Variants in LEFTY1 observed in about 807,000 individuals in gnomAD.
The protein encoded by LEFTY1 is left-right determination factor B.
LEFTY1 carries 18 observed loss-of-function variants against 22.6 expected under a neutral mutation model. The ratio of observed to expected loss-of-function variants is 0.80; its 90% CI spans 0.55 to 1.18. The LOEUF (loss-of-function observed/expected upper bound fraction) is 1.18. Among genes scored for constraint, LEFTY1 ranks in the 50% most tolerant of loss-of-function variants. LEFTY1 has a pLI of 0.00. For synonymous variants in LEFTY1, 201 were observed against 231.5 expected, an observed-to-expected ratio of 0.87 and a Z score of 1.20; for missense variants, 414 against 495.4, an observed-to-expected ratio of 0.84 and a Z score of 1.56.
chr1:225,886,995 G>A lies in LEFTY1; in HGVS notation c.833C>T (p.Ala278Val), dbSNP rs1290516033. 2 of 1,609,558 alleles carry A rather than the reference G, an allele frequency of 1.2e-6. No homozygotes were observed. The highest frequency in any genetic ancestry group is 8.5e-7 in the Non-Finnish European group (1 of 1,176,922). ...MYIDLQGMKW[A>V]ENWVLEPPGF... The stretch of plus-strand genomic sequence containing the variant: ...CGGGGGCTCCAGCACCCAGTTCTCG[G>A]CCCACTTCATCCCCTGCAGGTCAAT... The change falls in exon 4 of 4, where the codon GCC becomes GTC. Residue 278 changes from alanine (A) to valine (V), a missense_variant. Ala to Val is a moderately conservative substitution (Grantham distance 64). This residue lies in a region of LEFTY1 where 398 missense variants were observed against 454.7 expected (regional missense o/e 0.88). Coordinates refer to ENST00000272134, the MANE Select transcript of LEFTY1 (RefSeq NM_020997.4).
Position 225,887,640 on chromosome 1 carries a change from T to C in LEFTY1, c.498-2A>G. On this transcript the variant is annotated splice_acceptor_variant, in intron 2 of 3. Transcript: ENST00000272134. LOFTEE classifies it high-confidence loss of function. ...CCGCTCTCGTGGACGGACACCAGCC[T>C]GAGACATGACACAGAGACCCAGCGC... 6.2e-7 allele frequency: 1 copy of C among 1,612,146 alleles called. No individual in the cohort carries two copies. The highest frequency in any genetic ancestry group is 2.2e-5 in the East Asian group (1 of 44,860).
intron 3 of LEFTY1, 117 bp downstream of exon 3, chr1:225,887,282 G>A (rs1360640549): frequency 6.5e-7 from 1 of 1,542,360 alleles, no homozygotes; most frequent in African/African-American, 1.4e-5. Flanking sequence ...GTCAGAGGAA[G>A]AATTGTATAC....
rs1671282013 is a variant in LEFTY1, at chr1:225,886,545, A to T, written c.*182T>A. On this transcript the variant is annotated 3_prime_UTR_variant, in exon 4 of 4. Transcript: ENST00000272134. ...AGCAAGGGCTCTCCAGTGGCCAAAG[A>T]TTCTCATTCCTGAGAAGCAAAAATT... 3.2e-6 allele frequency: 4 copies of T among 1,231,638 alleles called. No homozygotes were observed. The highest frequency in any genetic ancestry group is 2.5e-5 in the East Asian group (1 of 39,696). 76.3% of individuals were successfully genotyped at this position (1,231,638 alleles called of 1,614,324 possible). A position where few individuals can be genotyped will look rare whatever the true frequency, so the allele number is the denominator to read the frequency against.
chr1:225,888,902 G>T lies in LEFTY1; in HGVS notation c.165C>A (p.Thr55=), dbSNP rs1444729088. The change falls in exon 1 of 4, where the codon ACC becomes ACA. Residue 55 remains threonine (T), a synonymous_variant. Transcript: ENST00000272134. ...GGGCCACGTACTGGGCCCTCACGTG[G>T]GTGGGGATGACCAGCTCCTCCATGT... ...RADMEELVIP[T]HVRAQYVALL... The T allele has an allele frequency of 6.2e-7, 1 of 1,613,088 alleles. No homozygotes were observed. Among genetic ancestry groups the T allele is most frequent in the Non-Finnish European group, 8.5e-7 (1 of 1,179,864 alleles).
rs1431697009 is a variant in LEFTY1 at position 225,888,010 on chromosome 1, C to T, written c.273G>A (p.Ala91=). The T allele has an allele frequency of 1.3e-6, 2 of 1,590,912 alleles. No individual in the cohort carries two copies. The highest frequency in any genetic ancestry group is 1.7e-6 in the Non-Finnish European group (2 of 1,178,390). The change falls in exon 2 of 4, where the codon GCG becomes GCA. Residue 91 remains alanine, a synonymous_variant. Coordinates refer to ENST00000272134, the MANE Select transcript of LEFTY1 (RefSeq NM_020997.4). The stretch of plus-strand genomic sequence containing the variant: ...CCAGCAGGTGTGTGCTGGCCTCCAA[C>T]GCCAGGAACCTGCCGGCCACCTCTG... ...SFREVAGRFL[A]LEASTHLLVF...
In LEFTY1 at chr1:225,887,478, G is replaced by A. The variant is rs1230044288; in HGVS notation, c.658C>T (p.Arg220Cys). 5 of 1,612,314 alleles carry A rather than the reference G, an allele frequency of 3.1e-6. No individual in the cohort carries two copies. Among genetic ancestry groups the A allele is most frequent in the East Asian group, 2.2e-5 (1 of 44,862 alleles). Residue 220 changes from arginine (R) to cysteine (C), a missense_variant, in exon 3 of 4, where the codon CGC becomes TGC. Physicochemically the swap from Arg to Cys is radical, Grantham distance 180 (BLOSUM62 -3). This residue lies in a region of LEFTY1 where 398 missense variants were observed against 454.7 expected (regional missense o/e 0.88). Transcript: ENST00000272134. The part of the protein sequence containing the change: ...PLASGAHKLV[R>C]FASQGAPAGL... ...GCTGGCGCCCCCTGCGAGGCAAAGC[G>A]GACCAGCTTGTGGGCGCCGGACGCC...
At position 225,887,963 on chromosome 1, in the gene LEFTY1, A is replaced by G; in HGVS notation, c.320T>C (p.Leu107Pro). The change falls in exon 2 of 4, where the codon CTG becomes CCG. Residue 107 changes from leucine to proline, a missense_variant. This residue lies in a region of LEFTY1 where 398 missense variants were observed against 454.7 expected (regional missense o/e 0.88). Transcript: ENST00000272134. ...CTGCACCAGCTCGCTGTTGGGCGGCAGCCGCTGCTCCATGCCGAACACCAG... is the reference window on the plus strand; with the variant it reads ...CTGCACCAGCTCGCTGTTGGGCGGCGGCCGCTGCTCCATGCCGAACACCAG... Reference protein sequence around the residue: ...HLLVFGMEQRLPPNSELVQAV... With the variant: ...HLLVFGMEQRPPPNSELVQAV... The G allele has an allele frequency of 6.3e-7, 1 of 1,582,650 alleles. No individual in the cohort carries two copies. Among genetic ancestry groups the G allele is most frequent in the South Asian group, 1.1e-5 (1 of 88,846 alleles).
Position 225,886,932 on chromosome 1 carries a change from T to A in LEFTY1, c.896A>T (p.Gln299Leu), listed in dbSNP as rs368474276. The change falls in exon 4 of 4, where the codon CAG (glutamine) becomes CTG (leucine). Residue 299 changes from glutamine to leucine, a missense_variant. By Grantham distance (113) the Gln-to-Leu change is moderately radical. This residue lies in a region of LEFTY1 where 398 missense variants were observed against 454.7 expected (regional missense o/e 0.88). Transcript: ENST00000272134. ...LAYECVGTCR[Q>L]PPEALAFKWP... ...CTTGAAGGCCAGGGCCTCCGGGGGC[T>A]GCCGGCAGGTGCCCACACACTCATA... The A allele has an allele frequency of 9.9e-6, 16 of 1,613,572 alleles. No homozygotes were observed. The highest frequency in any genetic ancestry group is 1.7e-6 in the Non-Finnish European group (2 of 1,179,956).
rs1576131936 is a variant in LEFTY1, at chr1:225,887,506, C to T, written c.630G>A (p.Pro210=). 4 of 1,611,622 alleles carry T rather than the reference C, an allele frequency of 2.5e-6. No individual in the cohort carries two copies. Among genetic ancestry groups the T allele is most frequent in the Non-Finnish European group, 2.5e-6 (3 of 1,179,316 alleles). ...CCAGCTTGTGGGCGCCGGACGCCAG[C>T]GGGCCCAGATGCTCCCTCTGCACCG... The part of the protein sequence containing the change: ...QVSVQREHLG[P]LASGAHKLVR... The change falls in exon 3 of 4, where the codon CCG becomes CCA. Residue 210 remains proline, a synonymous_variant. Coordinates refer to ENST00000272134, the MANE Select transcript of LEFTY1 (RefSeq NM_020997.4).
At position 225,887,025 on chromosome 1, in the gene LEFTY1, A is replaced by G; in HGVS notation, c.803T>C (p.Met268Thr). The part of the protein sequence containing the change: ...TEGTRCCRQE[M>T]YIDLQGMKWA... The stretch of plus-strand genomic sequence containing the variant: ...CTTCATCCCCTGCAGGTCAATGTAC[A>G]TCTCCTGGCGGCAGCAGCGGGTGCC... Residue 268 changes from methionine to threonine, a missense_variant, in exon 4 of 4, where the codon ATG becomes ACG. Physicochemically the swap from Met to Thr is moderately conservative, Grantham distance 81 (BLOSUM62 -1). Coordinates refer to ENST00000272134, the MANE Select transcript of LEFTY1 (RefSeq NM_020997.4). 1 of 1,602,206 alleles carries G rather than the reference A, an allele frequency of 6.2e-7. No individual in the cohort carries two copies. The highest frequency in any genetic ancestry group is 8.5e-7 in the Non-Finnish European group (1 of 1,173,274).
In LEFTY1 at chr1:225,886,608, T is replaced by C. The variant is rs1024338532; in HGVS notation, c.*119A>G. The C allele has an allele frequency of 5.9e-6, 9 of 1,527,368 alleles. No individual in the cohort carries two copies. In the Admixed American group the frequency reaches 1.2e-4, roughly 21 times the overall value. 94.6% of individuals were successfully genotyped at this position (1,527,368 alleles called of 1,614,324 possible). ...TTGTCAGAGGAAGCAAATTCAGGGC[T>C]CACTAGAGAGCACAGAGCATTTGTC... On this transcript the variant is annotated 3_prime_UTR_variant, in exon 4 of 4. Coordinates refer to ENST00000272134, the MANE Select transcript of LEFTY1 (RefSeq NM_020997.4).
rs140535323 is a variant in LEFTY1, at chr1:225,888,899, G to A, written c.168C>T (p.His56=). The A allele has an allele frequency of 4.5e-5, 73 of 1,613,196 alleles. No homozygotes were observed. The highest frequency in any genetic ancestry group is 6.2e-5 in the Non-Finnish European group (73 of 1,179,858). The change falls in exon 1 of 4, where the codon CAC becomes CAT. Residue 56 remains histidine, a synonymous_variant. Coordinates refer to ENST00000272134, the MANE Select transcript of LEFTY1 (RefSeq NM_020997.4). ...ADMEELVIPT[H]VRAQYVALLQ... The stretch of plus-strand genomic sequence containing the variant: ...GCAGGGCCACGTACTGGGCCCTCAC[G>A]TGGGTGGGGATGACCAGCTCCTCCA...
In LEFTY1 at chr1:225,886,920, G is replaced by T; in HGVS notation, c.908C>A (p.Ala303Asp). ...CAGAAACGGCCACTTGAAGGCCAGG[G>T]CCTCCGGGGGCTGCCGGCAGGTGCC... ...CVGTCRQPPE[A>D]LAFKWPFLGP... The change falls in exon 4 of 4, where the codon GCC (alanine) becomes GAC (aspartate). Residue 303 changes from alanine (A) to aspartate (D), a missense_variant. Physicochemically the swap from Ala to Asp is moderately radical, Grantham distance 126. Transcript: ENST00000272134. 1 of 1,613,898 alleles carries T rather than the reference G, an allele frequency of 6.2e-7. No individual in the cohort carries two copies. The highest frequency in any genetic ancestry group is 8.5e-7 in the Non-Finnish European group (1 of 1,180,024).
chr1:225,887,616 C>T lies in LEFTY1; in HGVS notation c.520G>A (p.Gly174Ser), dbSNP rs201293717. The part of the protein sequence containing the change: ...DSRLVSVHES[G>S]WKAFDVTEAV... Reference sequence around the variant, plus strand: ...TCGGTCACGTCGAAGGCCTTCCAGCCGCTCTCGTGGACGGACACCAGCCTG... The same window carrying T: ...TCGGTCACGTCGAAGGCCTTCCAGCTGCTCTCGTGGACGGACACCAGCCTG... The change falls in exon 3 of 4, where the codon GGC (glycine) becomes AGC (serine). Residue 174 changes from glycine (G) to serine (S), a missense_variant. Around this residue, in one of 2 missense-constraint regions of LEFTY1, gnomAD observed 398 missense variants for 454.7 expected, o/e 0.88. Transcript: ENST00000272134. The T allele has an allele frequency of 1.2e-6, 2 of 1,612,314 alleles. No individual in the cohort carries two copies. The highest frequency in any genetic ancestry group is 2.2e-5 in the East Asian group (1 of 44,872).
chr1:225,888,381 C>CA (rs1671331775), intron 1 of LEFTY1, among the ~76,000 whole-genome samples: 1 of 152,026 alleles, frequency 6.6e-6, no homozygotes, highest in Admixed American at 6.5e-5. Flanking sequence ...GATTCAGGCC[C>CA]GCTGCACCCC....
intron 2 of LEFTY1, 23 bp downstream of exon 2, chr1:225,887,763 C>T (rs1341692996): frequency 1.9e-6 from 3 of 1,550,448 alleles, no homozygotes; most frequent in Non-Finnish European, 2.6e-6. Context: ...TCCCCCTACC[C>T]TGCGCGCCCC....
chr1:225,886,537 G>C lies in LEFTY1; in HGVS notation c.*190C>G. 1.8e-6 allele frequency: 2 copies of C among 1,119,508 alleles called. No homozygotes were observed. Among genetic ancestry groups the C allele is most frequent in the Non-Finnish European group, 2.5e-6 (2 of 810,454 alleles). 69.3% of individuals were successfully genotyped at this position (1,119,508 alleles called of 1,614,324 possible). On this transcript the variant is annotated 3_prime_UTR_variant, in exon 4 of 4. Coordinates refer to ENST00000272134, the MANE Select transcript of LEFTY1 (RefSeq NM_020997.4). ...GAAAACTGAGCAAGGGCTCTCCAGT[G>C]GCCAAAGATTCTCATTCCTGAGAAG...
chr1:225,888,079 A>C (rs747206401), intron 1 of LEFTY1, 47 bp from the exon 2 acceptor site: 1 of 1,586,020 alleles, frequency 6.3e-7, no homozygotes, highest in South Asian at 1.1e-5. Flanking sequence ...ACTCCAGGGG[A>C]GCTCTGAGGA....
rs148425461 is a variant in LEFTY1 at position 225,886,572 on chromosome 1, G to A, written c.*155C>T. On this transcript the variant is annotated 3_prime_UTR_variant, in exon 4 of 4. Transcript: ENST00000272134. ...TCTCATTCCTGAGAAGCAAAAATTAGGTGAGGTAACTTGTCAGAGGAAGCA... is the reference window on the plus strand; with the variant it reads ...TCTCATTCCTGAGAAGCAAAAATTAAGTGAGGTAACTTGTCAGAGGAAGCA... The A allele has an allele frequency of 7.7e-5, 110 of 1,428,586 alleles. 1 individual carries two copies. In the African/African-American group the frequency reaches 1.4e-3, roughly 18 times the overall value. 88.5% of individuals were successfully genotyped at this position (1,428,586 alleles called of 1,614,324 possible).
Sources: gnomAD v4.1 joint callset for allele counts (sites outside exome capture counted in the v4.1 genomes callset) on GRCh38, gnomAD v4.1.1 for gene constraint, gnomAD v4.1.1 regional missense constraint, MANE v1.5 for transcripts, NCBI Gene and HGNC (gene_info 2026-07-23, HGNC 2026-07-21) for gene names.